SIDT1: variants seen among roughly 807,000 people sequenced by gnomAD.
The protein encoded by SIDT1 is SID1 transmembrane family member 1, also known as SID1 transmembrane family, member 1.
Under a neutral mutation model 107.5 loss-of-function variants are expected in SIDT1, and 101 were observed. The observed-to-expected ratio is 0.94, with a 90% CI of 0.80 to 1.11. The LOEUF (loss-of-function observed/expected upper bound fraction) is 1.11. Among genes scored for constraint, SIDT1 ranks in the 50% least tolerant of loss-of-function variants. The probability of loss-of-function intolerance (pLI) is 0.00; values close to 1 mark genes in which losing one functional copy is unlikely to be tolerated. For synonymous variants in SIDT1, 395 were observed against 398.2 expected, an observed-to-expected ratio of 0.99 and a Z score of 0.10; for missense variants, 1,076 against 1,058.2, an observed-to-expected ratio of 1.02 and a Z score of -0.23.
intron 1 of SIDT1, among the ~76,000 whole-genome samples, chr3:113,538,192 C>A (rs1046577620): frequency 6.6e-6 from 1 of 152,220 alleles, no homozygotes; most frequent in African/African-American, 2.4e-5. Flanking sequence ...TAAGTTTCAA[C>A]ATGTGAATTT....
At chr3:113,605,000 C>A (rs1560111130) in intron 14 of SIDT1, 24 bp downstream of exon 14, 1 of 1,613,036 alleles carries the variant, frequency 6.2e-7, no homozygotes, top group East Asian at 2.2e-5. Flanking sequence ...CAGCCCCAGC[C>A]CCAGAGTCCC....
At chr3:113,606,977 T>C (rs1945378978) in intron 14 of SIDT1, 64 bp from the exon 15 acceptor site, 11 of 1,024,544 alleles carry the variant, frequency 1.1e-5, no homozygotes, top group Non-Finnish European at 1.7e-5. Flanking sequence ...GCTCTTTGTG[T>C]TCCTGCTGGG....
intron 1 of SIDT1, among the ~76,000 whole-genome samples, chr3:113,543,476 C>A (rs1939185254): frequency 6.6e-6 from 1 of 152,166 alleles, no homozygotes; most frequent in African/African-American, 2.4e-5. Context: ...TCTACCCACA[C>A]AATTGCCACT....
intron 4 of SIDT1, among the ~76,000 whole-genome samples, chr3:113,580,358 C>A (rs1192765070): frequency 1.3e-5 from 2 of 152,128 alleles, no homozygotes; most frequent in Non-Finnish European, 1.5e-5. Context: ...ATGACTATTT[C>A]TTTTACCCTA....
intron 7 of SIDT1, 116 bp from the exon 8 acceptor site, chr3:113,584,582 T>C: frequency 1.5e-6 from 1 of 679,664 alleles, no homozygotes; most frequent in Non-Finnish European, 2.5e-6. Context: ...TAAAATAAGA[T>C]TCAGTGATCA....
intron 1 of SIDT1, among the ~76,000 whole-genome samples, chr3:113,535,259 G>C (rs1405319268): frequency 6.6e-6 from 1 of 150,772 alleles, no homozygotes. Context: ...GGGACAGAGT[G>C]ATACCCTGTT....
intron 1 of SIDT1, among the ~76,000 whole-genome samples, chr3:113,544,351 C>A (rs1939320991): frequency 6.6e-6 from 1 of 152,062 alleles, no homozygotes; most frequent in Non-Finnish European, 1.5e-5. Context: ...CAACCACGCC[C>A]AGCTAATTTT....
chr3:113,586,852 T>C (rs748173777), intron 9 of SIDT1, among the ~76,000 whole-genome samples: 1 of 152,178 alleles, frequency 6.6e-6, no homozygotes, highest in African/African-American at 2.4e-5. Context: ...TCTATTAAAA[T>C]GTGTCATAAA....
intron 1 of SIDT1, among the ~76,000 whole-genome samples, chr3:113,561,973 G>GT (rs1941471039): frequency 1.3e-5 from 2 of 152,180 alleles, no homozygotes; most frequent in Admixed American, 6.5e-5. Flanking sequence ...ACCAAAGTGT[G>GT]CTCTAAAAAC....
intron 1 of SIDT1, among the ~76,000 whole-genome samples, chr3:113,538,303 G>A (rs1229122013): frequency 1.3e-5 from 2 of 152,220 alleles, no homozygotes; most frequent in Non-Finnish European, 2.9e-5. Context: ...TTGTTTAGGA[G>A]ATAACATTAC....
intron 1 of SIDT1, among the ~76,000 whole-genome samples, chr3:113,533,697 C>T (rs1041390083): frequency 1.3e-5 from 2 of 152,178 alleles, no homozygotes; most frequent in African/African-American, 4.8e-5. Context: ...GAGAACTGCT[C>T]AGAATCTAAA....
At chr3:113,622,546 G>A (rs1946542602) in intron 21 of SIDT1, among the ~76,000 whole-genome samples, 1 of 149,136 alleles carries the variant, frequency 6.7e-6, no homozygotes, top group Non-Finnish European at 1.5e-5. Flanking sequence ...TATTATAACT[G>A]AATAGAAATT....
chr3:113,614,478 G>A (rs917239335), intron 19 of SIDT1, among the ~76,000 whole-genome samples: 1 of 152,140 alleles, frequency 6.6e-6, no homozygotes, highest in Non-Finnish European at 1.5e-5. Context: ...TTTCTATTTC[G>A]TCGTTGACAA....
Position 113,604,041 on chromosome 3 carries a change from G to C in SIDT1, c.1337+8G>C, listed in dbSNP as rs746126613. Reference sequence around the variant, plus strand: ...ATATAAAATTTATTTTTGGTAAGTAGATGACCAGTAGGACCATGGTTCCCT... The same window carrying C: ...ATATAAAATTTATTTTTGGTAAGTACATGACCAGTAGGACCATGGTTCCCT... On this transcript the variant is annotated splice_region_variant and intron_variant, in intron 13 of 24. Coordinates refer to ENST00000264852, the MANE Select transcript of SIDT1 (RefSeq NM_017699.3). 1.6e-5 allele frequency: 25 copies of C among 1,558,300 alleles called. No individual in the cohort carries two copies. The South Asian group carries it at 2.6e-4, about 16-fold the overall frequency.
intron 14 of SIDT1, 146 bp downstream of exon 14, chr3:113,605,122 C>CACTTTTTTTT: frequency 6.5e-6 from 2 of 306,994 alleles, no homozygotes; most frequent in Non-Finnish European, 1.1e-5. Context: ...CTATTGCTTC[C>CACTTTTTTTT]TCTTTTTTTT....
chr3:113,567,549 G>A lies in SIDT1; in HGVS notation c.354G>A (p.Arg118=), dbSNP rs867067649. 1 of 1,612,418 alleles carries A rather than the reference G, an allele frequency of 6.2e-7. No individual in the cohort carries two copies. The highest frequency in any genetic ancestry group is 1.1e-5 in the South Asian group (1 of 90,688). The change falls in exon 3 of 25, where the codon AGG becomes AGA. Residue 118 remains arginine, a synonymous_variant. Coordinates refer to ENST00000264852, the MANE Select transcript of SIDT1 (RefSeq NM_017699.3). Reference sequence around the variant, plus strand: ...ATATTGGCTGCTTCAGATACCAGAGGAGCTACAACTATCAAGAAGTGAGCC... The same window carrying A: ...ATATTGGCTGCTTCAGATACCAGAGAAGCTACAACTATCAAGAAGTGAGCC... ...VPLLFQGLYQ[R]SYNYQEVSRT...
At chr3:113,630,411 A>G (rs1209042135), downstream of SIDT1, among the ~76,000 whole-genome samples, 1 of 152,126 alleles carries the variant, frequency 6.6e-6, no homozygotes, top group Non-Finnish European at 1.5e-5. Context: ...GCTGGACTCT[A>G]TCTGGGGAAG....
intron 10 of SIDT1, among the ~76,000 whole-genome samples, chr3:113,599,443 G>A (rs1944802374): frequency 6.6e-6 from 1 of 152,240 alleles, no homozygotes; most frequent in Non-Finnish European, 1.5e-5. Flanking sequence ...AGCACTATAT[G>A]AAAGTAACAT....
chr3:113,593,411 G>A (rs182713121), intron 10 of SIDT1, among the ~76,000 whole-genome samples: 5 of 152,272 alleles, frequency 3.3e-5, no homozygotes, highest in Admixed American at 1.3e-4. Flanking sequence ...CTGTGCATGC[G>A]AGGGATCTGG....
Sources: allele counts gnomAD v4.1 joint callset (sites outside exome capture counted in the v4.1 genomes callset), GRCh38; gene constraint gnomAD v4.1.1; transcripts MANE v1.5; gene names NCBI Gene and HGNC (gene_info 2026-07-23, HGNC 2026-07-21).